Variants in RAD21 observed in about 807,000 individuals in gnomAD.
RAD21 encodes the protein RAD21 cohesin complex component.
RAD21 carries 18 observed loss-of-function variants against 71.5 expected under a neutral mutation model. That is an observed-to-expected ratio of 0.25 (90% CI 0.17 to 0.37). The LOEUF (loss-of-function observed/expected upper bound fraction) is 0.37, where lower values mean the gene tolerates loss of function less well. RAD21 is among the 10% of genes least tolerant of loss of function. RAD21 has a pLI of 1.00. For missense variants in RAD21, 493 were observed against 769.1 expected (o/e 0.64, Z 4.25); for synonymous variants, 248 against 254.0 (o/e 0.98, Z 0.22).
Position 116,866,874 on chromosome 8 carries a change from C to T in RAD21, c.-32-113G>A, listed in dbSNP as rs934653329. On this transcript the variant is annotated intron_variant, in intron 1 of 13. Coordinates refer to ENST00000297338, the MANE Select transcript of RAD21 (RefSeq NM_006265.3). ...TCTTTAATATGAAAACTATAAAATG[C>T]TTGAGTAAATGTTTAATATGTATTT... is the stretch of plus-strand genomic sequence containing the variant. 1.3e-5 allele frequency: 8 copies of T among 610,618 alleles called. No individual in the cohort carries two copies. In the African/African-American group the frequency reaches 1.4e-4, roughly 10 times the overall value. 37.8% of individuals were successfully genotyped at this position (610,618 alleles called of 1,614,324 possible).
intron 4 of RAD21, among the ~76,000 whole-genome samples, chr8:116,859,421 T>TG (rs958978726): frequency 2.8e-4 from 42 of 152,028 alleles, no homozygotes; most frequent in East Asian, 5.8e-4. Flanking sequence ...TTAGTAGACA[T>TG]GGGGGGGCGG....
chr8:116,852,351 C>A (rs1812367979), intron 10 of RAD21, 198 bp downstream of exon 10: 2 of 671,402 alleles, frequency 3.0e-6, no homozygotes, highest in Non-Finnish European at 4.7e-6. Flanking sequence ...ATCTACCCTG[C>A]CAGTTCTGAA....
At chr8:116,872,040 A>G (rs1445633849) in intron 1 of RAD21, among the ~76,000 whole-genome samples, 1 of 152,210 alleles carries the variant, frequency 6.6e-6, no homozygotes, top group Non-Finnish European at 1.5e-5. Flanking sequence ...CATGGACTAA[A>G]CCAACCCAGG....
chr8:116,849,247 C>G (rs1262108263), intron 12 of RAD21: 1 of 421,292 alleles, frequency 2.4e-6, no homozygotes, highest in African/African-American at 2.0e-5. Context: ...TATGTGCAAG[C>G]AAACATTTGG....
At position 116,850,347 on chromosome 8, in the gene RAD21, C is replaced by T. The variant is rs140310175; in HGVS notation, c.1620+271G>A. ...CCACAAGATAGTAAAAGCAGCTACA[C>T]GCAATTTAGAAGCCAAGCAAGAAAT... On this transcript the variant is annotated intron_variant, in intron 12 of 13. Transcript: ENST00000297338. Among the ~76,000 whole-genome samples, 30 of 152,284 alleles carry T rather than the reference C, an allele frequency of 2.0e-4. No homozygotes were observed. In the South Asian group the frequency reaches 3.7e-3, roughly 19 times the overall value.
intron 8 of RAD21, among the ~76,000 whole-genome samples, chr8:116,855,506 A>T (rs1217264934): frequency 6.6e-6 from 1 of 152,180 alleles, no homozygotes; most frequent in Non-Finnish European, 1.5e-5. Context: ...ATTTAAAAAA[A>T]TTTCTTTTTT....
intron 1 of RAD21, among the ~76,000 whole-genome samples, chr8:116,870,249 A>G (rs563071918): frequency 6.6e-6 from 1 of 152,364 alleles, no homozygotes; most frequent in Admixed American, 6.5e-5. Context: ...GAAATTGGCT[A>G]GCGGTGGTGG....
intron 4 of RAD21, among the ~76,000 whole-genome samples, chr8:116,859,733 TTAA>T (rs1047093410): frequency 6.2e-4 from 94 of 151,102 alleles, no homozygotes; most frequent in African/African-American, 2.2e-3. Context: ...ATAAGGCCAA[TTAA>T]TAACCCTACA....
intron 2 of RAD21, among the ~76,000 whole-genome samples, chr8:116,865,894 C>T (rs1011650012): frequency 6.6e-6 from 1 of 152,128 alleles, no homozygotes; most frequent in Non-Finnish European, 1.5e-5. Context: ...ACAATTGACA[C>T]CTCCCATCGG....
At chr8:116,849,999 A>C (rs1029002280) in intron 12 of RAD21, among the ~76,000 whole-genome samples, 2 of 152,196 alleles carry the variant, frequency 1.3e-5, no homozygotes, top group Admixed American at 6.5e-5. Context: ...AATAAATTCT[A>C]AGTCTTAAAC....
In RAD21 at chr8:116,852,096, T is replaced by C; in HGVS notation, c.1322A>G (p.Asp441Gly). 6.2e-7 allele frequency: 1 copy of C among 1,600,878 alleles called. No homozygotes were observed. Reference sequence around the variant, plus strand: ...GCTTGGCTCTTCAATAATGGGCTCATCTGCAATTGGTCATATGAAGAGAAA... The same window carrying C: ...GCTTGGCTCTTCAATAATGGGCTCACCTGCAATTGGTCATATGAAGAGAAA... ...QQQHQQRDVIDEPIIEEPSRL... is the reference protein window; with the variant it reads ...QQQHQQRDVIGEPIIEEPSRL... The change falls in exon 11 of 14, where the codon GAT becomes GGT. Residue 441 changes from aspartate (D) to glycine (G), a missense_variant and splice_region_variant. This residue lies in a region of RAD21 where 225 missense variants were observed against 218.3 expected (regional missense o/e 1.03). Transcript: ENST00000297338.
At chr8:116,850,391 A>G (rs1812323641) in intron 12 of RAD21, among the ~76,000 whole-genome samples, 1 of 152,240 alleles carries the variant, frequency 6.6e-6, no homozygotes, top group South Asian at 2.1e-4. Flanking sequence ...GGACAATTCC[A>G]TGTCCTTCAA....
chr8:116,870,942 C>T (rs1194704970), intron 1 of RAD21, among the ~76,000 whole-genome samples: 7 of 152,144 alleles, frequency 4.6e-5, no homozygotes, highest in Non-Finnish European at 1.0e-4. Context: ...GAGCACCGTG[C>T]CTAAAATATC....
intron 1 of RAD21, among the ~76,000 whole-genome samples, chr8:116,868,357 C>T (rs1431267960): frequency 3.3e-5 from 5 of 152,118 alleles, no homozygotes; most frequent in African/African-American, 9.7e-5. Context: ...GACAGCATTC[C>T]GTGAGATTCA....
intron 10 of RAD21, 119 bp downstream of exon 10, chr8:116,852,430 G>T: frequency 8.9e-7 from 1 of 1,126,674 alleles, no homozygotes; most frequent in Non-Finnish European, 1.2e-6. Flanking sequence ...GCATTTCCCT[G>T]CCCAAACATT....
chr8:116,868,442 A>G (rs1251756420), intron 1 of RAD21, among the ~76,000 whole-genome samples: 1 of 152,208 alleles, frequency 6.6e-6, no homozygotes, highest in Non-Finnish European at 1.5e-5. Flanking sequence ...ATTACAAATA[A>G]ACCTGCTATA....
intron 9 of RAD21, among the ~76,000 whole-genome samples, chr8:116,853,306 T>C (rs1812395227): frequency 6.6e-6 from 1 of 152,202 alleles, no homozygotes; most frequent in Non-Finnish European, 1.5e-5. Flanking sequence ...CTCAAACTCC[T>C]GACCTCAAGT....
At chr8:116,850,953 T>C (rs909804443) in intron 11 of RAD21, 186 bp from the exon 12 acceptor site, 16 of 395,806 alleles carry the variant, frequency 4.0e-5, no homozygotes, top group African/African-American at 1.4e-4. Context: ...TAAAACTACA[T>C]TGAAGTAGCT....
rs1448405817 is a variant in RAD21 at position 116,849,042 on chromosome 8, G to A, written c.1621-13C>T. On this transcript the variant is annotated splice_polypyrimidine_tract_variant and intron_variant, in intron 12 of 13. Coordinates refer to ENST00000297338, the MANE Select transcript of RAD21 (RefSeq NM_006265.3). Reference sequence around the variant, plus strand: ...ATGCATCTTCATCCTGAATAAAAATGACCCCCAAAAAGCTGACAAAACAAG... The same window carrying A: ...ATGCATCTTCATCCTGAATAAAAATAACCCCCAAAAAGCTGACAAAACAAG... The A allele has an allele frequency of 2.6e-6, 4 of 1,556,430 alleles. No individual in the cohort carries two copies. In the Admixed American group the frequency reaches 6.0e-5, roughly 23 times the overall value.
Sources: gnomAD v4.1 joint callset for allele counts (sites outside exome capture counted in the v4.1 genomes callset) on GRCh38, gnomAD v4.1.1 for gene constraint, gnomAD v4.1.1 regional missense constraint, MANE v1.5 for transcripts, NCBI Gene and HGNC (gene_info 2026-07-23, HGNC 2026-07-21) for gene names.